The following VRTN variants were observed in gnomAD, a reference collection of about 807,000 sequenced individuals.
VRTN encodes vertnin.
Under a neutral mutation model 18.2 loss-of-function variants are expected in VRTN, and 5 were observed. The ratio of observed to expected loss-of-function variants is 0.27; its 90% CI spans 0.14 to 0.58. VRTN has a LOEUF of 0.58. Among genes scored for constraint, VRTN ranks in the 20% least tolerant of loss-of-function variants. The probability of loss-of-function intolerance (pLI) is 0.91; values close to 1 mark genes in which losing one functional copy is unlikely to be tolerated. For synonymous variants in VRTN, 381 were observed against 393.7 expected (o/e 0.97, Z 0.38); for missense variants, 741 against 939.4 (o/e 0.79, Z 2.76).
chr14:74,355,511 CTTTT>C (rs1445565140), intron 1 of VRTN, among the ~76,000 whole-genome samples: 1 of 151,812 alleles, frequency 6.6e-6, no homozygotes, highest in Non-Finnish European at 1.5e-5. Flanking sequence ...GGTTTTCTTT[CTTTT>C]CTTTAAAAAA....
intron 1 of VRTN, among the ~76,000 whole-genome samples, chr14:74,331,219 TAAAC>T (rs36042325): frequency 4.0e-4 from 58 of 144,170 alleles, no homozygotes; most frequent in Middle Eastern, 3.5e-3. Context: ...AATAAATAAA[TAAAC>T]AAACAAACAA....
At chr14:74,345,512 C>T (rs535428009), upstream of VRTN, among the ~76,000 whole-genome samples, 5 of 151,616 alleles carry the variant, frequency 3.3e-5, no homozygotes, top group South Asian at 4.2e-4. Flanking sequence ...CCACCATGCC[C>T]GGCTAATTTT....
chr14:74,357,221 C>G lies in VRTN; in HGVS notation c.438C>G (p.Thr146=). ...SLCSEESPEM[T]SLPPATLEAI... is the part of the protein sequence containing the mutation. ...GCTCTGAGGAGTCCCCTGAGATGAC[C>G]AGCTTGCCCCCCGCCACGCTGGAGG... The change falls in exon 2 of 2, where the codon ACC becomes ACG. Residue 146 remains threonine (T), a synonymous_variant. Transcript: ENST00000256362. The surrounding 1 kb of genome is among the most constrained non-coding windows in gnomAD (Gnocchi z 7.8). 6.2e-7 allele frequency: 1 copy of G among 1,612,682 alleles called. No homozygotes were observed. Among genetic ancestry groups the G allele is most frequent in the South Asian group, 1.1e-5 (1 of 91,068 alleles).
intron 1 of VRTN, among the ~76,000 whole-genome samples, chr14:74,311,482 G>A (rs140438368): frequency 1.3e-3 from 197 of 150,382 alleles, no homozygotes; most frequent in African/African-American, 4.4e-3. Flanking sequence ...GTGCAGTGGC[G>A]TGATCTTGGC....
upstream of VRTN, chr14:74,302,993 G>A (rs2085121849): frequency 1.7e-5 from 23 of 1,382,694 alleles, no homozygotes; most frequent in South Asian, 2.9e-4. Context: ...CGGGGCCCCG[G>A]CTACCACAGA....
chr14:74,340,259 T>C (rs1049047421), intron 2 of VRTN, among the ~76,000 whole-genome samples: 34 of 152,250 alleles, frequency 2.2e-4, no homozygotes, highest in South Asian at 4.1e-4. Flanking sequence ...ATTATAGGCA[T>C]GTGCCACCAC....
At chr14:74,315,686 T>A (rs1483791297) in intron 1 of VRTN, among the ~76,000 whole-genome samples, 2 of 152,054 alleles carry the variant, frequency 1.3e-5, no homozygotes. Flanking sequence ...TAAATATAAA[T>A]CAGATAGCGC....
At chr14:74,318,821 C>A (rs1003352158) in intron 1 of VRTN, among the ~76,000 whole-genome samples, 19 of 149,100 alleles carry the variant, frequency 1.3e-4, no homozygotes, top group African/African-American at 4.2e-4. Context: ...TCAAGCAATT[C>A]TTGTGCCTCA....
At chr14:74,337,209 G>GCT (rs2085570725) in intron 1 of VRTN, among the ~76,000 whole-genome samples, 1 of 152,066 alleles carries the variant, frequency 6.6e-6, no homozygotes, top group Non-Finnish European at 1.5e-5. Context: ...TGGGCATGGT[G>GCT]GCACATGCCT....
intron 1 of VRTN, among the ~76,000 whole-genome samples, chr14:74,306,865 CAA>C: frequency 6.6e-6 from 1 of 152,014 alleles, no homozygotes; most frequent in Non-Finnish European, 1.5e-5. Flanking sequence ...CTCAGCCTCC[CAA>C]AGTGTTAGGA....
chr14:74,317,607 G>T (rs148809548), intron 1 of VRTN, among the ~76,000 whole-genome samples: 2,838 of 152,178 alleles, frequency 0.019, 112 homozygotes, highest in African/African-American at 0.065. Flanking sequence ...TTCAAGACTA[G>T]CCTGGCCAAC....
rs1792109862 is a variant in VRTN at position 74,359,159 on chromosome 14, T to A, written c.*267T>A. On this transcript the variant is annotated 3_prime_UTR_variant, in exon 2 of 2. Transcript: ENST00000256362. ...ATATTTTTACTGTTATGATTTAGTT[T>A]TTGGTTTTGATTTGAGTGGGTTGGT... is the stretch of plus-strand genomic sequence containing the variant. The A allele has an allele frequency of 1.7e-6, 1 of 604,380 alleles. No individual in the cohort carries two copies. The highest frequency in any genetic ancestry group is 1.9e-5 in the African/African-American group (1 of 52,812). 37.4% of individuals were successfully genotyped at this position (604,380 alleles called of 1,614,324 possible).
rs190891875 is a variant in VRTN at position 74,336,527 on chromosome 14, C to T, written c.-163-1196C>T. ...AAACACGTGTATATATATATACATA[C>T]ATAATAGATAGATTTTTGCAAAAGT... On this transcript the variant is annotated intron_variant, in intron 1 of 2. Coordinates refer to the VRTN transcript ENST00000557177. 7.4e-3 allele frequency among the ~76,000 whole-genome samples: 1,131 copies of T among 152,186 alleles called. 8 individuals are homozygous for T. Among genetic ancestry groups the T allele is most frequent in the African/African-American group, 0.026 (1,084 of 41,532 alleles).
rs755225627 is a variant in VRTN, at chr14:74,358,289, G to A, written c.1506G>A (p.Met502Ile). 1.9e-5 allele frequency: 30 copies of A among 1,610,766 alleles called. 1 individual carries two copies. The South Asian group carries it at 3.1e-4, about 17-fold the overall frequency. The change falls in exon 2 of 2, where the codon ATG becomes ATA. Residue 502 changes from methionine (M) to isoleucine (I), a missense_variant. By Grantham distance (10) the Met-to-Ile change is conservative (BLOSUM62 1). Coordinates refer to ENST00000256362, the MANE Select transcript of VRTN (RefSeq NM_018228.3). This position sits in a 1 kb window ranked among gnomAD's most constrained non-coding sequence, Gnocchi z 5.4. ...PAPGELLPLR[M>I]PLSRWQRRLR... ...CCGGGGAGCTCCTGCCACTAAGGATGCCCCTGTCCCGTTGGCAGAGGCGTC... is the reference window on the plus strand; with the variant it reads ...CCGGGGAGCTCCTGCCACTAAGGATACCCCTGTCCCGTTGGCAGAGGCGTC...
At chr14:74,352,632 C>T (rs1312353629) in intron 1 of VRTN, among the ~76,000 whole-genome samples, 1 of 152,082 alleles carries the variant, frequency 6.6e-6, no homozygotes, top group East Asian at 1.9e-4. Flanking sequence ...CTCACTGTAA[C>T]CTCGAACTAT....
intron 1 of VRTN, among the ~76,000 whole-genome samples, chr14:74,351,238 G>T (rs1167207949): frequency 6.6e-6 from 1 of 152,138 alleles, no homozygotes; most frequent in East Asian, 1.9e-4. Context: ...TTTAAAAATT[G>T]TATAATGTTA....
At chr14:74,311,651 C>G (rs767169757) in intron 1 of VRTN, among the ~76,000 whole-genome samples, 32 of 152,108 alleles carry the variant, frequency 2.1e-4, no homozygotes, top group Non-Finnish European at 4.6e-4. Flanking sequence ...CTCGGGTGAT[C>G]TGCCTGCCTC....
intron 1 of VRTN, among the ~76,000 whole-genome samples, chr14:74,313,935 A>G (rs567540536): frequency 2.4e-4 from 37 of 152,278 alleles, no homozygotes; most frequent in Middle Eastern, 3.4e-3. Context: ...CACTGTCTCA[A>G]AAACAAAAAA....
intron 1 of VRTN, among the ~76,000 whole-genome samples, chr14:74,331,203 A>AAAAT (rs1370676565): frequency 7.6e-5 from 8 of 104,888 alleles, no homozygotes; most frequent in African/African-American, 1.9e-4. Context: ...CTCCGTCTCA[A>AAAAT]AAATAAATAA....
Sources: allele counts gnomAD v4.1 joint callset (sites outside exome capture counted in the v4.1 genomes callset), GRCh38; gene constraint gnomAD v4.1.1; non-coding constraint Gnocchi (gnomAD v3.1); transcripts MANE v1.5; gene names NCBI Gene and HGNC (gene_info 2026-07-23, HGNC 2026-07-21).